ZMYM4: variants seen among roughly 807,000 people sequenced by gnomAD.
ZMYM4 encodes zinc finger MYM-type containing 4.
ZMYM4 carries 31 observed loss-of-function variants against 183.2 expected under a neutral mutation model. The observed-to-expected ratio is 0.17, with a 90% CI of 0.13 to 0.23. The LOEUF is 0.23. ZMYM4 is among the 10% of genes least tolerant of loss of function. The pLI is 1.00. For synonymous variants in ZMYM4, 592 were observed against 631.2 expected, an observed-to-expected ratio of 0.94 and a Z score of 0.93; for missense variants, 1,273 against 1,840.3, an observed-to-expected ratio of 0.69 and a Z score of 5.64.
chr1:35,417,978 G>A (rs1271607143), intron 28 of ZMYM4, among the ~76,000 whole-genome samples: 2 of 151,686 alleles, frequency 1.3e-5, no homozygotes, highest in South Asian at 2.1e-4. Context: ...GTTGCACTCC[G>A]TCCTGGGCAA....
chr1:35,404,111 C>A (rs1488028705), intron 23 of ZMYM4, among the ~76,000 whole-genome samples: 1 of 152,212 alleles, frequency 6.6e-6, no homozygotes, highest in Non-Finnish European at 1.5e-5. Flanking sequence ...GTCACCCAGG[C>A]TGGAGTGCAG....
intron 18 of ZMYM4, among the ~76,000 whole-genome samples, chr1:35,394,088 T>G (rs527537157): frequency 6.6e-6 from 1 of 150,570 alleles, no homozygotes; most frequent in Admixed American, 6.6e-5. Context: ...AGGTTTGAAC[T>G]ACTCCACAGT....
Position 35,399,497 on chromosome 1 carries a change from T to TTAA in ZMYM4, c.3453_3455dup (p.Asn1151dup), listed in dbSNP as rs1558171625. Reference sequence around the variant, plus strand: ...ATTATTATAGACTCCTTTGACCCACTTAATAAAGGACAGGGAATCCAGGCA... The same window carrying TTAA: ...ATTATTATAGACTCCTTTGACCCACTTAATAATAAAGGACAGGGAATCCAGGCA... On this transcript the variant is annotated inframe_insertion, in exon 23 of 30. Transcript: ENST00000314607. 1 of 1,614,078 alleles carries TTAA rather than the reference T, an allele frequency of 6.2e-7. No individual in the cohort carries two copies. The highest frequency in any genetic ancestry group is 1.7e-5 in the Admixed American group (1 of 60,022).
At chr1:35,415,169 T>C (rs575209700) in intron 27 of ZMYM4, among the ~76,000 whole-genome samples, 4 of 152,348 alleles carry the variant, frequency 2.6e-5, no homozygotes, top group Non-Finnish European at 5.9e-5. Flanking sequence ...AGAGCCTATA[T>C]GGCCTACACA....
chr1:35,271,993 A>AT (rs1365841669), intron 1 of ZMYM4, among the ~76,000 whole-genome samples: 1 of 152,132 alleles, frequency 6.6e-6, no homozygotes, highest in East Asian at 1.9e-4. Context: ...CATAAATAAT[A>AT]TTTTTTGATC....
At chr1:35,358,446 C>T (rs746833162) in intron 2 of ZMYM4, among the ~76,000 whole-genome samples, 4 of 151,346 alleles carry the variant, frequency 2.6e-5, no homozygotes, top group South Asian at 2.1e-4. Flanking sequence ...CCTGAATAAT[C>T]GCCATAATAA....
At chr1:35,387,742 A>C in intron 13 of ZMYM4, 138 bp downstream of exon 13, 1 of 865,082 alleles carries the variant, frequency 1.2e-6, no homozygotes, top group East Asian at 2.8e-5. Context: ...ATTCATTTAC[A>C]CTTAGTTCAT....
rs759437718 is a variant in ZMYM4, at chr1:35,381,734, A to G, written c.1545A>G (p.Ser515=). Residue 515 remains serine, a synonymous_variant, in exon 9 of 30, where the codon TCA becomes TCG. Transcript: ENST00000314607. ...IEGQSKKFCS[S]SCITAYKQKS... The stretch of plus-strand genomic sequence containing the variant: ...GACAGTCTAAGAAGTTTTGTAGTTC[A>G]TCGTGTATCACGGCATACAAGCAGG... The G allele has an allele frequency of 1.2e-6, 2 of 1,614,030 alleles. No individual in the cohort carries two copies. The highest frequency in any genetic ancestry group is 2.7e-5 in the African/African-American group (2 of 74,936).
At chr1:35,281,369 A>G (rs1269608725) in intron 1 of ZMYM4, among the ~76,000 whole-genome samples, 1 of 152,188 alleles carries the variant, frequency 6.6e-6, no homozygotes, top group African/African-American at 2.4e-5. Flanking sequence ...CAGGAAGACA[A>G]AAACTGCATC....
At chr1:35,342,986 G>C (rs1643258173) in intron 2 of ZMYM4, among the ~76,000 whole-genome samples, 1 of 151,988 alleles carries the variant, frequency 6.6e-6, no homozygotes, top group Non-Finnish European at 1.5e-5. Context: ...CCTGGCCCAG[G>C]ATTCTTCATG....
chr1:35,268,865 T>C lies in ZMYM4; in HGVS notation c.-182T>C, dbSNP rs1235167332. ...CCCGCCCACGCGCGGACCCGTGGGA[T>C]CTCAGAAGCTGCGGCCCGGCGCGCG... On this transcript the variant is annotated 5_prime_UTR_variant, in exon 1 of 30. Transcript: ENST00000314607. The C allele has an allele frequency of 9.1e-6, 5 of 552,430 alleles. No individual in the cohort carries two copies. Among genetic ancestry groups the C allele is most frequent in the Non-Finnish European group, 1.4e-5 (5 of 368,772 alleles). 34.2% of individuals were successfully genotyped at this position (552,430 alleles called of 1,614,324 possible).
chr1:35,271,472 G>A (rs1026142713), intron 1 of ZMYM4, among the ~76,000 whole-genome samples: 2 of 151,932 alleles, frequency 1.3e-5, no homozygotes, highest in Non-Finnish European at 2.9e-5. Context: ...GCGCAATCTC[G>A]GCTCGTTGCA....
chr1:35,358,306 A>G (rs1445995360), intron 2 of ZMYM4, among the ~76,000 whole-genome samples: 1 of 152,110 alleles, frequency 6.6e-6, no homozygotes, highest in East Asian at 1.9e-4. Context: ...TAAACAGTAA[A>G]TAGTCTTTTA....
intron 1 of ZMYM4, 85 bp from the exon 2 acceptor site, chr1:35,325,275 C>T: frequency 7.9e-7 from 1 of 1,259,456 alleles, no homozygotes; most frequent in Non-Finnish European, 1.1e-6. Flanking sequence ...AATTACAGCT[C>T]CTTGGGGAAT....
intron 5 of ZMYM4, among the ~76,000 whole-genome samples, chr1:35,365,119 A>G (rs1291446710): frequency 6.6e-6 from 1 of 152,122 alleles, no homozygotes; most frequent in South Asian, 2.1e-4. Flanking sequence ...ACAACCCTGT[A>G]TAAGATGGCC....
intron 10 of ZMYM4, 48 bp downstream of exon 10, chr1:35,385,640 G>T: frequency 2.0e-6 from 3 of 1,535,992 alleles, no homozygotes; most frequent in Admixed American, 2.3e-5. Flanking sequence ...GAAAAATAAT[G>T]GTTATTGCTT....
chr1:35,282,595 G>T (rs1029720665), intron 1 of ZMYM4, among the ~76,000 whole-genome samples: 2 of 152,018 alleles, frequency 1.3e-5, no homozygotes, highest in Admixed American at 6.6e-5. Flanking sequence ...TCACTTTGTT[G>T]TCCAGGCTGG....
Position 35,389,225 on chromosome 1 carries a change from G to T in ZMYM4, c.2436+143G>T, listed in dbSNP as rs1570502833. On this transcript the variant is annotated intron_variant, in intron 14 of 29. Coordinates refer to ENST00000314607, the MANE Select transcript of ZMYM4 (RefSeq NM_005095.3). The surrounding 1 kb of genome is among the most constrained non-coding windows in gnomAD (Gnocchi z 4.0). ...TTATGCCTTCTAGCAATTAATATAAGATTTAGAAAGACTTTAATGTTATTG... is the reference window on the plus strand; with the variant it reads ...TTATGCCTTCTAGCAATTAATATAATATTTAGAAAGACTTTAATGTTATTG... 2 of 800,180 alleles carry T rather than the reference G, an allele frequency of 2.5e-6. No individual in the cohort carries two copies. The highest frequency in any genetic ancestry group is 3.7e-6 in the Non-Finnish European group (2 of 544,646). The allele number at this position is 800,180 out of a possible 1,614,324, so 49.6% of individuals were successfully genotyped here.
intron 2 of ZMYM4, 83 bp from the exon 3 acceptor site, chr1:35,358,842 A>C: frequency 1.7e-6 from 2 of 1,180,018 alleles, no homozygotes; most frequent in South Asian, 1.5e-5. Flanking sequence ...AAAAATATTT[A>C]TTTGGTTAAA....
Sources: allele counts gnomAD v4.1 joint callset (sites outside exome capture counted in the v4.1 genomes callset), GRCh38; gene constraint gnomAD v4.1.1; non-coding constraint Gnocchi (gnomAD v3.1); transcripts MANE v1.5; gene names NCBI Gene and HGNC (gene_info 2026-07-23, HGNC 2026-07-21).